The following NKAIN2 variants were observed in gnomAD, a reference collection of about 807,000 sequenced individuals.
NKAIN2 encodes sodium/potassium-transporting ATPase subunit beta-1-interacting protein 2.
Under a neutral mutation model 32.6 loss-of-function variants are expected in NKAIN2, and 14 were observed. That is an observed-to-expected ratio of 0.43 (90% CI 0.28 to 0.67). NKAIN2 has a LOEUF of 0.67. Among genes scored for constraint, NKAIN2 ranks in the 30% least tolerant of loss-of-function variants. The pLI is 0.17. For missense variants in NKAIN2, 198 were observed against 258.3 expected (o/e 0.77, Z 1.60); for synonymous variants, 80 against 87.2 (o/e 0.92, Z 0.46).
intron 3 of NKAIN2, among the ~76,000 whole-genome samples, chr6:124,405,111 T>C (rs1380723444): frequency 6.6e-6 from 1 of 152,158 alleles, no homozygotes; most frequent in Non-Finnish European, 1.5e-5. Context: ...TCAGTAAAAA[T>C]GGTTGCAGAT....
At chr6:124,794,805 T>G in intron 5 of NKAIN2, 25 of 761,958 alleles carry the variant, frequency 3.3e-5, no homozygotes, top group Non-Finnish European at 4.0e-5. Flanking sequence ...TGGGTTGATA[T>G]TCTCTGTATG....
chr6:124,076,894 G>A (rs1783719960), intron 1 of NKAIN2, among the ~76,000 whole-genome samples: 1 of 152,174 alleles, frequency 6.6e-6, no homozygotes, highest in Admixed American at 6.6e-5. Context: ...TTTCTCCATT[G>A]TAAATGGGCA....
chr6:124,205,401 T>C (rs1790817896), intron 1 of NKAIN2, among the ~76,000 whole-genome samples: 1 of 151,718 alleles, frequency 6.6e-6, no homozygotes, highest in African/African-American at 2.4e-5. Context: ...ATTGGAAAAG[T>C]CTTATATAAT....
intron 1 of NKAIN2, among the ~76,000 whole-genome samples, chr6:124,027,271 C>T (rs891266211): frequency 6.6e-6 from 1 of 151,886 alleles, no homozygotes; most frequent in East Asian, 1.9e-4. Flanking sequence ...TCCCAAGTAG[C>T]TAGGATTACA....
intron 3 of NKAIN2, among the ~76,000 whole-genome samples, chr6:124,360,262 G>C (rs1488988846): frequency 6.6e-6 from 1 of 152,086 alleles, no homozygotes; most frequent in Non-Finnish European, 1.5e-5. Context: ...GCCAGGCTTT[G>C]GTATCAGGAT....
At chr6:124,351,508 C>CAAAAAAAAAA (rs397956239) in intron 2 of NKAIN2, among the ~76,000 whole-genome samples, 4 of 108,998 alleles carry the variant, frequency 3.7e-5, no homozygotes, top group African/African-American at 6.4e-5. Context: ...TCAAAAAAAC[C>CAAAAAAAAAA]AAAAAAAAAA....
At chr6:124,438,889 G>GTAT (rs1562185384) in intron 3 of NKAIN2, among the ~76,000 whole-genome samples, 52 of 151,970 alleles carry the variant, frequency 3.4e-4, no homozygotes, top group African/African-American at 1.3e-3. Flanking sequence ...CCTTTTATAA[G>GTAT]TGTATTTTTA....
At chr6:124,367,043 A>T (rs1442034615) in intron 3 of NKAIN2, among the ~76,000 whole-genome samples, 1 of 152,082 alleles carries the variant, frequency 6.6e-6, no homozygotes, top group East Asian at 1.9e-4. Context: ...GTACATTTCC[A>T]TCTCTCTTTC....
chr6:124,599,986 G>A (rs1782245432), intron 3 of NKAIN2, among the ~76,000 whole-genome samples: 1 of 152,108 alleles, frequency 6.6e-6, no homozygotes, highest in Non-Finnish European at 1.5e-5. Flanking sequence ...ATCTATGCCA[G>A]TTAAGGTTTC....
chr6:124,385,527 G>A (rs1023048830), intron 3 of NKAIN2, among the ~76,000 whole-genome samples: 8 of 152,096 alleles, frequency 5.3e-5, no homozygotes, highest in East Asian at 3.9e-4. Flanking sequence ...TCACTGAATC[G>A]GTGTCTCTTA....
At chr6:124,329,773 A>G (rs971982918) in intron 2 of NKAIN2, among the ~76,000 whole-genome samples, 2 of 152,234 alleles carry the variant, frequency 1.3e-5, no homozygotes, top group Non-Finnish European at 2.9e-5. Context: ...TCTAGGTGCT[A>G]TGTGACCAAT....
chr6:124,414,348 C>T (rs887331138), intron 3 of NKAIN2, among the ~76,000 whole-genome samples: 68 of 152,186 alleles, frequency 4.5e-4, no homozygotes, highest in African/African-American at 1.6e-3. Context: ...TAAACAGATG[C>T]TTGCTACTGT....
chr6:124,191,655 C>T (rs1790028616), intron 1 of NKAIN2, among the ~76,000 whole-genome samples: 1 of 152,076 alleles, frequency 6.6e-6, no homozygotes. Flanking sequence ...ATAATGAGAG[C>T]AGACATCTGT....
chr6:124,626,974 A>AAATT (rs1168329729), intron 3 of NKAIN2, among the ~76,000 whole-genome samples: 2 of 152,140 alleles, frequency 1.3e-5, no homozygotes, highest in Non-Finnish European at 2.9e-5. Flanking sequence ...TTCCTTTTTA[A>AAATT]AATTATTAAA....
intron 2 of NKAIN2, among the ~76,000 whole-genome samples, chr6:124,349,020 T>G (rs1798586800): frequency 6.6e-6 from 1 of 152,172 alleles, no homozygotes; most frequent in Non-Finnish European, 1.5e-5. Flanking sequence ...AAGACAAGAT[T>G]TGTTAGTACA....
chr6:123,814,490 A>C (rs7758557), intron 1 of NKAIN2, among the ~76,000 whole-genome samples: 25,818 of 152,174 alleles, frequency 0.17, 5,118 homozygotes, highest in African/African-American at 0.48. Context: ...CTTGCAACAA[A>C]AATATGTGGT....
At chr6:124,520,343 T>A (rs995582814) in intron 3 of NKAIN2, among the ~76,000 whole-genome samples, 1 of 152,172 alleles carries the variant, frequency 6.6e-6, no homozygotes, top group Non-Finnish European at 1.5e-5. Flanking sequence ...TTATATGTAA[T>A]GAAAGATAAA....
intron 5 of NKAIN2, among the ~76,000 whole-genome samples, chr6:124,813,679 GATA>G (rs925854734): frequency 6.6e-6 from 1 of 152,108 alleles, no homozygotes; most frequent in African/African-American, 2.4e-5. Context: ...GTAAAATTAA[GATA>G]ATTATTCCTA....
At chr6:123,910,499 G>GTTTTTTTTTTTTGTTTTTTTTTTTTTTT (rs1775118616) in intron 1 of NKAIN2, among the ~76,000 whole-genome samples, 4 of 81,320 alleles carry the variant, frequency 4.9e-5, no homozygotes, top group African/African-American at 2.0e-4. Context: ...TGCAATGCAT[G>GTTTTTTTTTTTTGTTTTTTTTTTTTTTT]TTTTTTTTTT....
Sources: gnomAD v4.1 joint callset for allele counts (sites outside exome capture counted in the v4.1 genomes callset) on GRCh38, gnomAD v4.1.1 for gene constraint, MANE v1.5 for transcripts, NCBI Gene and HGNC (gene_info 2026-07-23, HGNC 2026-07-21) for gene names.